The following MYCT1 variants were observed in gnomAD, a reference collection of about 807,000 sequenced individuals.
The protein encoded by MYCT1 is myc target protein 1.
A neutral mutation model predicts 15.0 loss-of-function variants in MYCT1; 12 were observed. That is an observed-to-expected ratio of 0.80 (90% CI 0.51 to 1.29). The LOEUF (loss-of-function observed/expected upper bound fraction) is 1.29. Among genes scored for constraint, MYCT1 ranks in the 50% most tolerant of loss-of-function variants. The pLI, the probability that MYCT1 is intolerant of heterozygous loss-of-function variation, is 0.00. For synonymous variants in MYCT1, 104 were observed against 102.7 expected, an observed-to-expected ratio of 1.01 and a Z score of -0.07; for missense variants, 287 against 279.1, an observed-to-expected ratio of 1.03 and a Z score of -0.20.
the MYCT1 span, among the ~76,000 whole-genome samples, chr6:152,746,723 T>C: frequency 6.6e-6 from 1 of 152,212 alleles, no homozygotes; most frequent in African/African-American, 2.4e-5. Flanking sequence ...CTTTTTGAAA[T>C]CTATTTTCAG....
chr6:152,743,263 G>C, the MYCT1 span, among the ~76,000 whole-genome samples: 1 of 152,032 alleles, frequency 6.6e-6, no homozygotes, highest in Non-Finnish European at 1.5e-5. Flanking sequence ...ATAGGGTTAT[G>C]CCATGTTGGT....
chr6:152,731,822 G>A, the MYCT1 span, among the ~76,000 whole-genome samples: 1 of 149,242 alleles, frequency 6.7e-6, no homozygotes, highest in Non-Finnish European at 1.5e-5. Context: ...ATATCAGCTC[G>A]CTGCTACCTC....
downstream of MYCT1, among the ~76,000 whole-genome samples, chr6:152,727,603 G>A (rs922746133): frequency 2.0e-5 from 3 of 152,256 alleles, no homozygotes; most frequent in Middle Eastern, 6.8e-3. Context: ...AATAGAGAAC[G>A]GCCATGCAAG....
Position 152,715,873 on chromosome 6 carries a change from G to A in MYCT1, c.197-5869G>A, listed in dbSNP as rs181199428. Among the ~76,000 whole-genome samples, 1,231 of 152,296 alleles carry A rather than the reference G, an allele frequency of 8.1e-3. 22 individuals carry two copies. Among genetic ancestry groups the A allele is most frequent in the South Asian group, 9.1e-3 (44 of 4,824 alleles). The stretch of plus-strand genomic sequence containing the variant: ...GACAGAGCTCAGTGACCCAAAGGAA[G>A]AGTAGAGGAGATGGGCTCAGATAAT... On this transcript the variant is annotated intron_variant, in intron 1 of 1. Transcript: ENST00000367245.
At chr6:152,724,585 C>A (rs1408137371), downstream of MYCT1, 1 of 152,044 alleles carries the variant, frequency 6.6e-6, no homozygotes, top group Non-Finnish European at 1.5e-5. Context: ...ATTCAAAATT[C>A]ATTTATGAAA....
the MYCT1 span, among the ~76,000 whole-genome samples, chr6:152,743,021 C>G: frequency 1.3e-5 from 2 of 152,194 alleles, no homozygotes; most frequent in African/African-American, 4.8e-5. Context: ...GGCTTTCTCT[C>G]TTTCCCTCCA....
Position 152,697,998 on chromosome 6 carries a change from G to T in MYCT1, c.96G>T (p.Leu32=). ...TCAAACTGCTTTTTTTCGACATACTGGTTTTTCTTTCTGTTTTTCTTCTCT... is the reference window on the plus strand; with the variant it reads ...TCAAACTGCTTTTTTTCGACATACTTGTTTTTCTTTCTGTTTTTCTTCTCT... The part of the protein sequence containing the change: ...DRIKLLFFDI[L]VFLSVFLLFL... The change falls in exon 1 of 2, where the codon CTG becomes CTT. Residue 32 remains leucine, a synonymous_variant. Coordinates refer to ENST00000367245, the MANE Select transcript of MYCT1 (RefSeq NM_025107.3). The T allele has an allele frequency of 6.2e-7, 1 of 1,607,458 alleles. No homozygotes were observed. Among genetic ancestry groups the T allele is most frequent in the Admixed American group, 1.7e-5 (1 of 59,054 alleles).
chr6:152,717,495 G>A (rs1167247278), intron 1 of MYCT1, among the ~76,000 whole-genome samples: 1 of 152,080 alleles, frequency 6.6e-6, no homozygotes, highest in Non-Finnish European at 1.5e-5. Flanking sequence ...GAATCATGGG[G>A]GCAGGAATTT....
At chr6:152,746,133 T>G in the MYCT1 span, among the ~76,000 whole-genome samples, 1 of 152,342 alleles carries the variant, frequency 6.6e-6, no homozygotes, top group East Asian at 1.9e-4. Flanking sequence ...ACATCTAGAC[T>G]GCAGCTTTCT....
intron 1 of MYCT1, among the ~76,000 whole-genome samples, chr6:152,717,801 C>T (rs1389953718): frequency 6.6e-6 from 1 of 151,996 alleles, no homozygotes; most frequent in Non-Finnish European, 1.5e-5. Flanking sequence ...ATTAAGAAGT[C>T]GTTTTCATGA....
At position 152,719,303 on chromosome 6, in the gene MYCT1, A is replaced by AT. The variant is rs371308227; in HGVS notation, c.197-2434dup. 2.1e-3 allele frequency among the ~76,000 whole-genome samples: 319 copies of AT among 152,302 alleles called. 2 individuals are homozygous for AT. The highest frequency in any genetic ancestry group is 3.3e-3 in the Non-Finnish European group (222 of 68,020). The stretch of plus-strand genomic sequence containing the variant: ...AGATACTCTGGTATTGAATCGACCA[A>AT]TTTTTATGCAATTTATATTGCTCAT... On this transcript the variant is annotated intron_variant, in intron 1 of 1. Transcript: ENST00000367245.
chr6:152,732,530 A>G, the MYCT1 span, among the ~76,000 whole-genome samples: 2 of 152,210 alleles, frequency 1.3e-5, no homozygotes, highest in African/African-American at 4.8e-5. Flanking sequence ...ATAAAAATAC[A>G]TAAATATGTA....
rs113721272 is a variant in MYCT1 at position 152,722,977 on chromosome 6, G to A, written c.*724G>A. On this transcript the variant is annotated 3_prime_UTR_variant, in exon 2 of 2. Transcript: ENST00000367245. ...GGCTGGTCTCAAACTCCTAAACTCA[G>A]ATGATCCTCCTGCCTCGGCCTCCCA... 0.081 allele frequency: 12,764 copies of A among 158,344 alleles called. 892 individuals are homozygous for A. The highest frequency in any genetic ancestry group is 0.18 in the African/African-American group (7,403 of 41,578). The allele number at this position is 158,344 out of a possible 1,614,324, so 9.8% of individuals were successfully genotyped here. A position where few individuals can be genotyped will look rare whatever the true frequency, so the allele number is the denominator to read the frequency against.
chr6:152,725,511 C>T (rs1295684601), downstream of MYCT1, among the ~76,000 whole-genome samples: 3 of 152,118 alleles, frequency 2.0e-5, no homozygotes, highest in Non-Finnish European at 2.9e-5. Context: ...GTCTCAAACT[C>T]CTGGCTTCAA....
intron 1 of MYCT1, among the ~76,000 whole-genome samples, chr6:152,701,414 CAT>C (rs1304869744): frequency 6.6e-6 from 1 of 152,170 alleles, no homozygotes; most frequent in Non-Finnish European, 1.5e-5. Flanking sequence ...GTTTCAGGGA[CAT>C]AGTTTGTAAG....
intron 1 of MYCT1, among the ~76,000 whole-genome samples, chr6:152,698,487 G>A (rs2099720790): frequency 2.0e-5 from 3 of 151,984 alleles, no homozygotes; most frequent in Admixed American, 2.0e-4. Context: ...ACTTTCATTT[G>A]TTTGAAGGTT....
Position 152,721,771 on chromosome 6 carries a change from A to G in MYCT1, c.226A>G (p.Met76Val). Residue 76 changes from methionine to valine, a missense_variant, in exon 2 of 2, where the codon ATG becomes GTG. Coordinates refer to ENST00000367245, the MANE Select transcript of MYCT1 (RefSeq NM_025107.3). ...EDLIMSFTVSMAIGLVLGGFI... is the reference protein window; with the variant it reads ...EDLIMSFTVSVAIGLVLGGFI... Reference sequence around the variant, plus strand: ...CCTTATCATGTCCTTCACTGTATCCATGGCAATCGGGCTGGTACTTGGAGG... The same window carrying G: ...CCTTATCATGTCCTTCACTGTATCCGTGGCAATCGGGCTGGTACTTGGAGG... 1.2e-6 allele frequency: 2 copies of G among 1,614,070 alleles called. No homozygotes were observed. The highest frequency in any genetic ancestry group is 1.7e-6 in the Non-Finnish European group (2 of 1,179,992).
At chr6:152,725,979 G>T (rs9384041), downstream of MYCT1, among the ~76,000 whole-genome samples, 81,489 of 151,650 alleles carry the variant, frequency 0.54, 24,249 homozygotes, top group Non-Finnish European at 0.66. Context: ...AAGGAGAGAC[G>T]AAAATAACAA....
the MYCT1 span, among the ~76,000 whole-genome samples, chr6:152,741,437 T>C: frequency 1.3e-5 from 2 of 152,308 alleles, no homozygotes; most frequent in East Asian, 3.9e-4. Flanking sequence ...TGAATGTTTA[T>C]TCTTATCAGC....
Sources: allele counts gnomAD v4.1 joint callset (sites outside exome capture counted in the v4.1 genomes callset), GRCh38; gene constraint gnomAD v4.1.1; transcripts MANE v1.5; gene names NCBI Gene and HGNC (gene_info 2026-07-23, HGNC 2026-07-21).